AKR1B15: variants seen among roughly 807,000 people sequenced by gnomAD.
AKR1B15 encodes the protein aldo-keto reductase family 1 member B15, also known as estradiol 17-beta-dehydrogenase AKR1B15.
In AKR1B15, 49 loss-of-function variants were observed where a neutral mutation model predicts 38.5. That is an observed-to-expected ratio of 1.27 (90% CI 1.01 to 1.62). AKR1B15 has a LOEUF of 1.62. AKR1B15 is among the 40% of genes most tolerant of loss of function. AKR1B15 has a pLI of 0.00. For synonymous variants in AKR1B15, 137 were observed against 135.5 expected (o/e 1.01, Z -0.08); for missense variants, 411 against 381.6 (o/e 1.08, Z -0.64).
Position 134,570,706 on chromosome 7 carries a change from G to A in AKR1B15, c.436-898G>A, listed in dbSNP as rs569399753. Among the ~76,000 whole-genome samples, 9 of 152,330 alleles carry A rather than the reference G, an allele frequency of 5.9e-5. No individual in the cohort carries two copies. The East Asian group carries it at 1.7e-3, about 29-fold the overall frequency. On this transcript the variant is annotated intron_variant, in intron 5 of 11. Coordinates refer to ENST00000457545, the MANE Select transcript of AKR1B15 (RefSeq NM_001080538.3). The stretch of plus-strand genomic sequence containing the variant: ...CAGGGCTGCAGAGTGGTGTGGACTG[G>A]AGCAGGAGAGCTTGCACTTCATAAT...
At chr7:134,569,335 TC>T in intron 4 of AKR1B15, 77 bp from the exon 5 acceptor site, 1 of 1,554,948 alleles carries the variant, frequency 6.4e-7, no homozygotes, top group East Asian at 2.3e-5. Flanking sequence ...AGGATGCAAA[TC>T]AAAAAGCAGG....
intron 6 of AKR1B15, among the ~76,000 whole-genome samples, chr7:134,572,563 G>T (rs1267774539): frequency 6.6e-6 from 1 of 152,060 alleles, no homozygotes; most frequent in South Asian, 2.1e-4. Flanking sequence ...GGGAGGTGGA[G>T]GTTGCATTGA....
At position 134,575,401 on chromosome 7, in the gene AKR1B15, G is replaced by T. The variant is rs1234379992; in HGVS notation, c.514-19G>T. 2 of 1,613,370 alleles carry T rather than the reference G, an allele frequency of 1.2e-6. No individual in the cohort carries two copies. Among genetic ancestry groups the T allele is most frequent in the Non-Finnish European group, 1.7e-6 (2 of 1,179,594 alleles). On this transcript the variant is annotated intron_variant, in intron 6 of 11. Transcript: ENST00000457545. ...TAGTCCCTCTAGAGCTGCCCATAAG[G>T]TATTCCTTTCTATGATAGGCCATGG...
chr7:134,576,312 A>C (rs1343739845), intron 8 of AKR1B15, 37 bp from the exon 9 acceptor site: 2 of 1,594,916 alleles, frequency 1.3e-6, no homozygotes, highest in Admixed American at 3.3e-5. Flanking sequence ...CACGGTAGCC[A>C]TGGTGATTAT....
Position 134,564,585 on chromosome 7 carries a change from T to A in AKR1B15, c.-22-13T>A, listed in dbSNP as rs1396703979. On this transcript the variant is annotated splice_polypyrimidine_tract_variant and intron_variant, in intron 2 of 11. Transcript: ENST00000457545. ...TGTATTTTTAACCTCCTTGTCAAATTTGTTTCCTCTAGGATCGAGGCCATC... is the reference window on the plus strand; with the variant it reads ...TGTATTTTTAACCTCCTTGTCAAATATGTTTCCTCTAGGATCGAGGCCATC... 1.5e-6 allele frequency: 1 copy of A among 686,360 alleles called. No homozygotes were observed. The allele number at this position is 686,360 out of a possible 1,614,324, so 42.5% of individuals were successfully genotyped here. A position where few individuals can be genotyped will look rare whatever the true frequency, so the allele number is the denominator to read the frequency against.
chr7:134,571,930 A>T (rs1034418246), intron 6 of AKR1B15, among the ~76,000 whole-genome samples: 2 of 152,184 alleles, frequency 1.3e-5, no homozygotes, highest in Non-Finnish European at 2.9e-5. Flanking sequence ...GGGAATACAC[A>T]TGCTGTTCTC....
chr7:134,576,514 T>G, intron 9 of AKR1B15, 84 bp downstream of exon 9: 1 of 1,497,104 alleles, frequency 6.7e-7, no homozygotes, highest in Non-Finnish European at 9.2e-7. Context: ...CTCAACTGAC[T>G]CCTTAAAGGG....
At chr7:134,567,943 G>T (rs1794576983) in intron 3 of AKR1B15, among the ~76,000 whole-genome samples, 1 of 152,128 alleles carries the variant, frequency 6.6e-6, no homozygotes, top group Admixed American at 6.5e-5. Flanking sequence ...CCCCAGCGAA[G>T]CCTTGGTTTG....
At chr7:134,573,669 T>A (rs767031839) in intron 6 of AKR1B15, 30 of 439,572 alleles carry the variant, frequency 6.8e-5, no homozygotes, top group Non-Finnish European at 9.1e-5. Context: ...TGACCTATGA[T>A]GCACAAAAGC....
At chr7:134,575,718 G>A in intron 7 of AKR1B15, 103 bp from the exon 8 acceptor site, 1 of 1,592,134 alleles carries the variant, frequency 6.3e-7, no homozygotes, top group South Asian at 1.1e-5. Context: ...GTGCGCACTT[G>A]TTTGGCCTTT....
intron 10 of AKR1B15, among the ~76,000 whole-genome samples, chr7:134,577,328 G>A (rs1377969764): frequency 6.6e-6 from 1 of 152,154 alleles, no homozygotes; most frequent in African/African-American, 2.4e-5. Flanking sequence ...GAGCAGCTAG[G>A]CCCTAGGCCA....
chr7:134,551,600 G>C (rs1444419436), intron 1 of AKR1B15, among the ~76,000 whole-genome samples: 3 of 152,140 alleles, frequency 2.0e-5, no homozygotes, highest in African/African-American at 7.2e-5. Flanking sequence ...AATTTGAAAA[G>C]CAAAAACAGG....
chr7:134,575,995 G>A, intron 8 of AKR1B15, 68 bp downstream of exon 8: 15 of 1,561,492 alleles, frequency 9.6e-6, no homozygotes, highest in Non-Finnish European at 1.3e-5. Flanking sequence ...ATTGGTAAAT[G>A]TCGGTATGGG....
intron 2 of AKR1B15, among the ~76,000 whole-genome samples, chr7:134,562,128 CAT>C (rs1372227658): frequency 6.6e-6 from 1 of 152,130 alleles, no homozygotes; most frequent in African/African-American, 2.4e-5. Context: ...GGATTACAGA[CAT>C]GTGCCACTGT....
At position 134,572,124 on chromosome 7, in the gene AKR1B15, G is replaced by A. The variant is rs150895473; in HGVS notation, c.513+443G>A. ...TGTGATAAAACTTAAGATGGTTTACGTGCCGGGAACATCAGTCATAAAGCC... is the reference window on the plus strand; with the variant it reads ...TGTGATAAAACTTAAGATGGTTTACATGCCGGGAACATCAGTCATAAAGCC... On this transcript the variant is annotated intron_variant, in intron 6 of 11. Transcript: ENST00000457545. Among the ~76,000 whole-genome samples the A allele has an allele frequency of 3.4e-3, 518 of 152,206 alleles. 3 individuals are homozygous for A. Among genetic ancestry groups the A allele is most frequent in the African/African-American group, 0.012 (492 of 41,518 alleles).
intron 1 of AKR1B15, among the ~76,000 whole-genome samples, chr7:134,549,695 C>T (rs1487103259): frequency 6.6e-6 from 1 of 152,156 alleles, no homozygotes; most frequent in Non-Finnish European, 1.5e-5. Flanking sequence ...GAAAGGGGAG[C>T]AGCCAGGAGG....
intron 2 of AKR1B15, among the ~76,000 whole-genome samples, chr7:134,561,226 AT>A (rs1219571807): frequency 1.3e-5 from 2 of 152,038 alleles, no homozygotes; most frequent in Admixed American, 1.3e-4. Flanking sequence ...TTATTTATTT[AT>A]TTTTGAGATG....
intron 3 of AKR1B15, among the ~76,000 whole-genome samples, chr7:134,567,377 T>G (rs1585804839): frequency 6.6e-6 from 1 of 152,310 alleles, no homozygotes; most frequent in East Asian, 1.9e-4. Flanking sequence ...TCTTTCTTTT[T>G]ATAGGAATGG....
intron 5 of AKR1B15, among the ~76,000 whole-genome samples, chr7:134,570,684 G>A (rs1469358988): frequency 1.3e-5 from 2 of 152,148 alleles, no homozygotes; most frequent in Non-Finnish European, 2.9e-5. Context: ...GCTGCACCAG[G>A]GCTGCAGAGT....
Sources: allele counts gnomAD v4.1 joint callset (sites outside exome capture counted in the v4.1 genomes callset), GRCh38; gene constraint gnomAD v4.1.1; transcripts MANE v1.5; gene names NCBI Gene and HGNC (gene_info 2026-07-23, HGNC 2026-07-21).